LYRM4: variants seen among roughly 807,000 people sequenced by gnomAD.
The protein encoded by LYRM4 is LYR motif-containing protein 4.
A neutral mutation model predicts 11.7 loss-of-function variants in LYRM4; 9 were observed. That is an observed-to-expected ratio of 0.77 (90% CI 0.46 to 1.34). The LOEUF is 1.34. Ranked by LOEUF, LYRM4 falls within the 40% of genes most tolerant of loss-of-function variation. The pLI is 0.00. For missense variants in LYRM4, 133 were observed against 112.5 expected, an observed-to-expected ratio of 1.18 and a Z score of -0.82; for synonymous variants, 42 against 40.4, an observed-to-expected ratio of 1.04 and a Z score of -0.15.
At chr6:5,079,765 A>G in the LYRM4 span, among the ~76,000 whole-genome samples, 1 of 152,230 alleles carries the variant, frequency 6.6e-6, no homozygotes, top group Non-Finnish European at 1.5e-5. Context: ...GTCCAATCAA[A>G]TGGTTGAGAC....
chr6:5,242,308 G>A (rs1245276808), intron 1 of LYRM4, among the ~76,000 whole-genome samples: 1 of 151,678 alleles, frequency 6.6e-6, no homozygotes, highest in African/African-American at 2.4e-5. Context: ...TCCTGACCTC[G>A]TGATCTGCCC....
At chr6:5,048,093 C>T in the LYRM4 span, among the ~76,000 whole-genome samples, 1 of 152,172 alleles carries the variant, frequency 6.6e-6, no homozygotes, top group Admixed American at 6.5e-5. Flanking sequence ...TGTCTACTAA[C>T]ATAGTTCATA....
At chr6:5,136,701 T>C (rs1757119007) in intron 2 of LYRM4, 2 of 985,250 alleles carry the variant, frequency 2.0e-6, no homozygotes, top group African/African-American at 3.5e-5. Context: ...CTAGCCACAG[T>C]CTGTGGTAAT....
At chr6:5,087,232 T>C in the LYRM4 span, 1 of 152,250 alleles carries the variant, frequency 6.6e-6, no homozygotes, top group East Asian at 1.9e-4. Context: ...TTTTACGCTG[T>C]ACTCTGAATT....
At chr6:5,189,763 A>G (rs1445943334) in intron 2 of LYRM4, among the ~76,000 whole-genome samples, 3 of 152,248 alleles carry the variant, frequency 2.0e-5, no homozygotes, top group Non-Finnish European at 4.4e-5. Flanking sequence ...AGGTGGCTAA[A>G]TCACCTGTCT....
At chr6:5,067,712 T>G in the LYRM4 span, among the ~76,000 whole-genome samples, 2 of 152,346 alleles carry the variant, frequency 1.3e-5, no homozygotes, top group Non-Finnish European at 2.9e-5. Flanking sequence ...TTTTTGTAGT[T>G]TTGGTGGAAA....
At chr6:5,144,329 C>T (rs1300975436) in intron 2 of LYRM4, 2 of 1,523,982 alleles carry the variant, frequency 1.3e-6, no homozygotes, top group Non-Finnish European at 8.8e-7. Flanking sequence ...AAAGAAGTGG[C>T]TTACGTGTAA....
At chr6:5,225,999 T>C (rs1284211503) in intron 1 of LYRM4, among the ~76,000 whole-genome samples, 1 of 152,250 alleles carries the variant, frequency 6.6e-6, no homozygotes, top group East Asian at 1.9e-4. Context: ...TTGCCTTTTC[T>C]TAATCGAGTG....
At chr6:5,095,289 C>T in the LYRM4 span, among the ~76,000 whole-genome samples, 578 of 152,222 alleles carry the variant, frequency 3.8e-3, 2 homozygotes, top group African/African-American at 0.014. Flanking sequence ...AAACCTTAGA[C>T]AAACTAAATT....
chr6:5,243,065 G>T (rs1019511001), intron 1 of LYRM4, among the ~76,000 whole-genome samples: 6 of 152,154 alleles, frequency 3.9e-5, no homozygotes, highest in Non-Finnish European at 8.8e-5. Flanking sequence ...GAGCCACCGC[G>T]CCCGGCCAGG....
At chr6:5,065,956 G>C in the LYRM4 span, 1 of 249,170 alleles carries the variant, frequency 4.0e-6, no homozygotes, top group Non-Finnish European at 8.1e-6. Context: ...ACCAAGTGGA[G>C]TCAGTGAACT....
chr6:5,126,925 C>A (rs896377685), intron 2 of LYRM4, among the ~76,000 whole-genome samples: 3 of 152,140 alleles, frequency 2.0e-5, no homozygotes, highest in Non-Finnish European at 4.4e-5. Flanking sequence ...TGGCACAACT[C>A]TGAATATACT....
rs139648535 is a variant in LYRM4 at position 5,126,655 on chromosome 6, AG to A, written c.208-17165del. On this transcript the variant is annotated intron_variant, in intron 2 of 2. Coordinates refer to ENST00000330636, the MANE Select transcript of LYRM4 (RefSeq NM_020408.6). ...AATGGAATATTATTTAGCCTCAAAA[AG>A]GAGTGAAGTTCAGATACATGCTACA... 7.5e-4 allele frequency among the ~76,000 whole-genome samples: 114 copies of A among 152,372 alleles called. 7 individuals carry two copies. In the East Asian group the frequency reaches 0.022, roughly 29 times the overall value.
intron 1 of LYRM4, among the ~76,000 whole-genome samples, 182 bp from the exon 2 acceptor site, chr6:5,216,920 A>G (rs1011806516): frequency 2.6e-5 from 4 of 152,274 alleles, no homozygotes; most frequent in African/African-American, 9.6e-5. Context: ...CTAAGCAAAC[A>G]GATTTAGGAA....
At chr6:5,037,604 CA>C in the LYRM4 span, among the ~76,000 whole-genome samples, 4 of 80,146 alleles carry the variant, frequency 5.0e-5, no homozygotes, top group East Asian at 6.5e-4. Context: ...AGGCGCCCCT[CA>C]CCTCCCGGAC....
intron 2 of LYRM4, among the ~76,000 whole-genome samples, chr6:5,177,329 A>G (rs888684688): frequency 2.6e-5 from 4 of 152,270 alleles, no homozygotes; most frequent in African/African-American, 7.2e-5. Flanking sequence ...ACAGTTAGGG[A>G]TAAGCATGTC....
intron 2 of LYRM4, among the ~76,000 whole-genome samples, chr6:5,151,500 G>A (rs989744044): frequency 3.3e-5 from 5 of 152,042 alleles, no homozygotes; most frequent in African/African-American, 9.7e-5. Context: ...CCAGTCACAC[G>A]TGCCAATTCC....
At chr6:5,174,409 C>T (rs77865149) in intron 2 of LYRM4, among the ~76,000 whole-genome samples, 6,021 of 152,202 alleles carry the variant, frequency 0.04, 173 homozygotes, top group East Asian at 0.1. Flanking sequence ...ATCTGTCCTG[C>T]TTCCGGCTCC....
intron 2 of LYRM4, among the ~76,000 whole-genome samples, chr6:5,173,208 A>G (rs1400745388): frequency 6.6e-6 from 1 of 152,250 alleles, no homozygotes; most frequent in Non-Finnish European, 1.5e-5. Flanking sequence ...AATTTGCCAG[A>G]GATGTAATGA....
Sources: gnomAD v4.1 joint callset for allele counts (sites outside exome capture counted in the v4.1 genomes callset) on GRCh38, gnomAD v4.1.1 for gene constraint, MANE v1.5 for transcripts, NCBI Gene and HGNC (gene_info 2026-07-23, HGNC 2026-07-21) for gene names.